ARMC3: variants seen among roughly 807,000 people sequenced by gnomAD.
The protein encoded by ARMC3 is armadillo repeat-containing protein 3.
A neutral mutation model predicts 90.3 loss-of-function variants in ARMC3; 74 were observed. That is an observed-to-expected ratio of 0.82 (90% CI 0.68 to 0.99). The LOEUF is 0.99. ARMC3 is among the 50% of genes least tolerant of loss of function. The pLI is 0.00. For missense variants in ARMC3, 958 were observed against 1,042.8 expected (o/e 0.92, Z 1.12); for synonymous variants, 334 against 361.8 (o/e 0.92, Z 0.87).
At chr10:22,956,763 TTAA>T (rs1351840110) in intron 4 of ARMC3, among the ~76,000 whole-genome samples, 2 of 90,998 alleles carry the variant, frequency 2.2e-5, no homozygotes, top group African/African-American at 3.7e-5. Context: ...CAATATACAA[TTAA>T]TATCAATATA....
intron 2 of ARMC3, among the ~76,000 whole-genome samples, chr10:22,944,016 T>G (rs983010305): frequency 6.6e-6 from 1 of 152,188 alleles, no homozygotes; most frequent in Non-Finnish European, 1.5e-5. Flanking sequence ...TTTACTGTAT[T>G]TTTTGATCCA....
rs532247862 is a variant in ARMC3, at chr10:22,968,347, C to T, written c.774C>T (p.Ala258=). 3 of 1,613,924 alleles carry T rather than the reference C, an allele frequency of 1.9e-6. No homozygotes were observed. In the South Asian group the frequency reaches 3.3e-5, roughly 18 times the overall value. Residue 258 remains alanine, a synonymous_variant, in exon 8 of 19, where the codon GCC becomes GCT. Coordinates refer to ENST00000298032, the MANE Select transcript of ARMC3 (RefSeq NM_173081.5). ...ATATAGAAGCACTTGCAGTGATAGC[C>T]AATTGCCTTGAAGACATGGATACTA... ...DLHIEALAVI[A]NCLEDMDTMV...
At chr10:22,998,011 G>C in intron 10 of ARMC3, 137 bp from the exon 11 acceptor site, 1 of 1,037,646 alleles carries the variant, frequency 9.6e-7, no homozygotes, top group Non-Finnish European at 1.4e-6. Flanking sequence ...CTCAATTCTG[G>C]GTTCATTGCA....
chr10:23,032,368 G>T (rs116795027), intron 17 of ARMC3, among the ~76,000 whole-genome samples: 3,598 of 151,988 alleles, frequency 0.024, 124 homozygotes, highest in African/African-American at 0.076. Context: ...AATTTTTAAA[G>T]AAAAAATAAA....
At chr10:23,006,629 G>A (rs1837626674) in intron 13 of ARMC3, 1 of 397,698 alleles carries the variant, frequency 2.5e-6, no homozygotes, top group African/African-American at 2.1e-5. Context: ...GGGCCAAGAT[G>A]ATAATGATGG....
intron 17 of ARMC3, among the ~76,000 whole-genome samples, chr10:23,032,058 C>A (rs1838943041): frequency 6.6e-6 from 1 of 152,102 alleles, no homozygotes; most frequent in Non-Finnish European, 1.5e-5. Flanking sequence ...TTGAGACCAG[C>A]CTGGGCAATA....
Position 22,956,518 on chromosome 10 carries a change from G to T in ARMC3, c.292+586G>T, listed in dbSNP as rs184369857. ...CTTGGGAGGCTGAGGCAGGAGAATC[G>T]CTTGAACTCGGGAGGTGGAGGTTGC... On this transcript the variant is annotated intron_variant, in intron 4 of 18. Transcript: ENST00000298032. Among the ~76,000 whole-genome samples the T allele has an allele frequency of 1.8e-3, 267 of 151,936 alleles. 1 individual carries two copies. Among genetic ancestry groups the T allele is most frequent in the African/African-American group, 6.1e-3 (255 of 41,490 alleles).
In ARMC3 at chr10:23,008,881, T is replaced by C. The variant is rs763455047; in HGVS notation, c.1995T>C (p.Ser665=). Residue 665 remains serine, a synonymous_variant, in exon 16 of 19, where the codon TCT becomes TCC. Transcript: ENST00000298032. ...SPIEDKSEPA[S]GRNTVLSKSA... ...TAGAAGACAAATCAGAGCCAGCTTC[T>C]GGACGAAATACTGTTCTCAGCAAAA... The C allele has an allele frequency of 6.2e-7, 1 of 1,614,060 alleles. No homozygotes were observed. The highest frequency in any genetic ancestry group is 1.1e-5 in the South Asian group (1 of 91,050).
chr10:22,959,631 C>T lies in ARMC3; in HGVS notation c.537+57C>T, dbSNP rs1835107659. 3.3e-6 allele frequency: 5 copies of T among 1,495,086 alleles called. No homozygotes were observed. In the Admixed American group the frequency reaches 9.6e-5, roughly 29 times the overall value. 92.6% of individuals were successfully genotyped at this position (1,495,086 alleles called of 1,614,324 possible). ...AAAGCTCATTTTAGAATTTATTTTC[C>T]CATTAAAAATAGAAAAAAGCTTTTA... On this transcript the variant is annotated intron_variant, in intron 6 of 18. Coordinates refer to ENST00000298032, the MANE Select transcript of ARMC3 (RefSeq NM_173081.5).
intron 10 of ARMC3, among the ~76,000 whole-genome samples, chr10:22,985,322 G>C (rs1186564072): frequency 2.6e-5 from 4 of 152,116 alleles, no homozygotes; most frequent in African/African-American, 4.8e-5. Flanking sequence ...GGGAAGGGGG[G>C]CTACTTGTCC....
chr10:22,981,792 C>A, intron 10 of ARMC3, 92 bp downstream of exon 10: 1 of 1,071,216 alleles, frequency 9.3e-7, no homozygotes, highest in South Asian at 1.4e-5. Flanking sequence ...TCACGATAGT[C>A]TATGAATTTC....
intron 8 of ARMC3, among the ~76,000 whole-genome samples, chr10:22,974,228 A>G (rs1489548296): frequency 6.6e-6 from 1 of 152,160 alleles, no homozygotes; most frequent in African/African-American, 2.4e-5. Context: ...GAGACTCCTG[A>G]TGGTTTTAAA....
At chr10:22,948,770 CA>C (rs1263902702) in intron 3 of ARMC3, among the ~76,000 whole-genome samples, 2 of 152,072 alleles carry the variant, frequency 1.3e-5, no homozygotes, top group African/African-American at 4.8e-5. Context: ...GTTAAGAAGA[CA>C]AACCTGAAAG....
chr10:22,954,605 G>A (rs1249545276), intron 3 of ARMC3, among the ~76,000 whole-genome samples: 1 of 150,212 alleles, frequency 6.7e-6, no homozygotes, highest in Non-Finnish European at 1.5e-5. Context: ...CGAGGAGGTC[G>A]AGACTGCAGA....
chr10:23,016,116 G>A (rs1838259864), intron 16 of ARMC3, among the ~76,000 whole-genome samples: 1 of 152,144 alleles, frequency 6.6e-6, no homozygotes, highest in Admixed American at 6.5e-5. Context: ...CACCCAATTT[G>A]AATACATTTC....
intron 17 of ARMC3, among the ~76,000 whole-genome samples, chr10:23,032,559 G>C (rs1838958505): frequency 6.6e-6 from 1 of 151,336 alleles, no homozygotes; most frequent in Non-Finnish European, 1.5e-5. Context: ...AAACTGCATT[G>C]ATATTTAGAG....
intron 3 of ARMC3, among the ~76,000 whole-genome samples, chr10:22,954,211 G>T (rs1333070016): frequency 6.6e-6 from 1 of 152,006 alleles, no homozygotes; most frequent in Non-Finnish European, 1.5e-5. Flanking sequence ...TTAAAATTTG[G>T]TTGTTTTCTT....
chr10:22,951,512 T>A (rs888674633), intron 3 of ARMC3, among the ~76,000 whole-genome samples: 2 of 152,130 alleles, frequency 1.3e-5, no homozygotes, highest in Admixed American at 6.6e-5. Context: ...TAGATCATAT[T>A]CTAGGCCATA....
chr10:23,030,676 G>A lies in ARMC3; in HGVS notation c.2126G>A (p.Gly709Glu), dbSNP rs1245298587. Residue 709 changes from glycine (G) to glutamate (E), a missense_variant, in exon 17 of 19, where the codon GGA (glycine) becomes GAA (glutamate). Coordinates refer to ENST00000298032, the MANE Select transcript of ARMC3 (RefSeq NM_173081.5). ...VMVVPKFVGEGSSDKEWCPPS... is the reference protein window; with the variant it reads ...VMVVPKFVGEESSDKEWCPPS... ...GTGGTACCAAAATTTGTTGGTGAAG[G>A]AAGCTCTGACAAAGAATGGTGTCCT... The A allele has an allele frequency of 1.7e-5, 27 of 1,613,782 alleles. No individual in the cohort carries two copies. The highest frequency in any genetic ancestry group is 2.3e-5 in the Non-Finnish European group (27 of 1,179,888).
Sources: allele counts gnomAD v4.1 joint callset (sites outside exome capture counted in the v4.1 genomes callset), GRCh38; gene constraint gnomAD v4.1.1; transcripts MANE v1.5; gene names NCBI Gene and HGNC (gene_info 2026-07-23, HGNC 2026-07-21).